Variants in TP63 observed in about 807,000 individuals in gnomAD.
The protein encoded by TP63 is tumor protein p63.
Under a neutral mutation model 82.8 loss-of-function variants are expected in TP63, and 17 were observed. The ratio of observed to expected loss-of-function variants is 0.21; its 90% CI spans 0.14 to 0.31. The LOEUF is 0.31. Ranked by LOEUF, TP63 falls within the 10% of genes least tolerant of loss-of-function variation. The pLI, the probability that TP63 is intolerant of heterozygous loss-of-function variation, is 1.00. For synonymous variants in TP63, 330 were observed against 321.7 expected, an observed-to-expected ratio of 1.03 and a Z score of -0.28; for missense variants, 648 against 895.3, an observed-to-expected ratio of 0.72 and a Z score of 3.52.
intron 3 of TP63, among the ~76,000 whole-genome samples, chr3:189,743,308 C>A (rs1721135778): frequency 6.6e-6 from 1 of 151,928 alleles, no homozygotes; most frequent in East Asian, 1.9e-4. Flanking sequence ...TGATAATAAC[C>A]AATGCTAGTG....
intron 4 of TP63, chr3:189,844,331 C>G (rs1026491079): frequency 7.4e-6 from 3 of 406,940 alleles, no homozygotes; most frequent in African/African-American, 4.2e-5. Context: ...GCCACCACGC[C>G]CAGCTAATTT....
At chr3:189,605,868 G>A in the TP63 span, among the ~76,000 whole-genome samples, 1 of 152,152 alleles carries the variant, frequency 6.6e-6, no homozygotes, top group African/African-American at 2.4e-5. Flanking sequence ...CACTGAGTGT[G>A]TTTATTTACT....
At chr3:189,819,768 T>TA (rs34604541) in intron 4 of TP63, among the ~76,000 whole-genome samples, 7 of 120,536 alleles carry the variant, frequency 5.8e-5, no homozygotes, top group South Asian at 5.5e-4. Flanking sequence ...TTTTTTTTTT[T>TA]TGAGACAGTC....
chr3:189,681,640 C>A (rs58267455), intron 1 of TP63, among the ~76,000 whole-genome samples: 1 of 152,260 alleles, frequency 6.6e-6, no homozygotes, highest in African/African-American at 2.4e-5. Flanking sequence ...CTTGCCATTC[C>A]TTTGGCTTCC....
At chr3:189,867,777 G>T (rs1003053339) in intron 6 of TP63, 56 bp from the exon 7 acceptor site, 3 of 1,479,502 alleles carry the variant, frequency 2.0e-6, no homozygotes, top group African/African-American at 2.8e-5. Context: ...GAACTGAGAA[G>T]GAACAACGTC....
chr3:189,855,158 C>T (rs1716127959), intron 4 of TP63, among the ~76,000 whole-genome samples: 1 of 152,036 alleles, frequency 6.6e-6, no homozygotes, highest in Non-Finnish European at 1.5e-5. Flanking sequence ...TAACGTGTTT[C>T]TGGAAACTGA....
intron 1 of TP63, among the ~76,000 whole-genome samples, chr3:189,641,178 T>C (rs1711836720): frequency 6.6e-6 from 1 of 152,132 alleles, no homozygotes; most frequent in Admixed American, 6.6e-5. Flanking sequence ...CTACTTAATA[T>C]TGTTCTGCAC....
chr3:189,890,920 T>C, intron 13 of TP63, 38 bp downstream of exon 13: 1 of 1,596,756 alleles, frequency 6.3e-7, no homozygotes, highest in Non-Finnish European at 8.6e-7. Flanking sequence ...TTTTATTTCT[T>C]CATTTCTTTC....
chr3:189,884,547 A>G (rs764868767), intron 10 of TP63, among the ~76,000 whole-genome samples: 16 of 152,190 alleles, frequency 1.1e-4, no homozygotes, highest in Non-Finnish European at 2.2e-4. Flanking sequence ...CTGCCCTGCT[A>G]TACCATGACC....
intron 4 of TP63, among the ~76,000 whole-genome samples, chr3:189,860,103 A>T (rs73199771): frequency 0.1 from 15,529 of 152,180 alleles, 990 homozygotes; most frequent in Middle Eastern, 0.18. Flanking sequence ...AAAAACTGGT[A>T]TACTTTGCGG....
At chr3:189,613,380 T>C in the TP63 span, among the ~76,000 whole-genome samples, 1 of 151,774 alleles carries the variant, frequency 6.6e-6, no homozygotes, top group East Asian at 1.9e-4. Context: ...GTGTTGAGCC[T>C]GCCAGTGCAG....
chr3:189,839,096 T>C (rs1359177111), intron 4 of TP63, among the ~76,000 whole-genome samples: 11 of 147,322 alleles, frequency 7.5e-5, no homozygotes, highest in African/African-American at 2.8e-4. Context: ...AGTATACCAA[T>C]GAGCATGGAC....
At chr3:189,850,822 C>CT (rs1390241503) in intron 4 of TP63, among the ~76,000 whole-genome samples, 1 of 151,936 alleles carries the variant, frequency 6.6e-6, no homozygotes, top group Admixed American at 6.5e-5. Flanking sequence ...AAATAAAATT[C>CT]TTTTTTTATA....
At chr3:189,684,723 C>T (rs760859616) in intron 1 of TP63, among the ~76,000 whole-genome samples, 8 of 151,260 alleles carry the variant, frequency 5.3e-5, no homozygotes, top group South Asian at 2.1e-4. Context: ...CTCCGCCTCC[C>T]GAGTTCAAGC....
At chr3:189,848,054 C>T (rs1012109007) in intron 4 of TP63, among the ~76,000 whole-genome samples, 5 of 152,148 alleles carry the variant, frequency 3.3e-5, no homozygotes, top group Admixed American at 3.3e-4. Flanking sequence ...GGGAAGAACA[C>T]TGGTCTGTAT....
chr3:189,787,514 A>G (rs1724706209), intron 3 of TP63, among the ~76,000 whole-genome samples: 1 of 97,050 alleles, frequency 1.0e-5, no homozygotes, highest in African/African-American at 2.7e-5. Context: ...TTTGTCCAGA[A>G]TCTTTGTAGA....
intron 3 of TP63, among the ~76,000 whole-genome samples, chr3:189,802,325 T>G (rs2108622346): frequency 6.6e-6 from 1 of 152,280 alleles, no homozygotes; most frequent in Admixed American, 6.5e-5. Context: ...AGGTGAAAGG[T>G]GGTTATCAGC....
chr3:189,776,122 A>C (rs937308763), intron 3 of TP63, among the ~76,000 whole-genome samples: 4 of 152,216 alleles, frequency 2.6e-5, no homozygotes, highest in Admixed American at 2.6e-4. Context: ...ATAGTTGCAA[A>C]ACATTGGGAC....
intron 3 of TP63, among the ~76,000 whole-genome samples, chr3:189,789,472 T>TG (rs796600100): frequency 1.6e-3 from 248 of 151,860 alleles, no homozygotes; most frequent in African/African-American, 5.7e-3. Flanking sequence ...GTTTTTTTTT[T>TG]CTTTCTTTCT....
Sources: gnomAD v4.1 joint callset for allele counts (sites outside exome capture counted in the v4.1 genomes callset) on GRCh38, gnomAD v4.1.1 for gene constraint, MANE v1.5 for transcripts, NCBI Gene and HGNC (gene_info 2026-07-23, HGNC 2026-07-21) for gene names.